ASTN2: variants seen among roughly 807,000 people sequenced by gnomAD.
The protein encoded by ASTN2 is astrotactin 2, also known as astrotactin-2.
In ASTN2, 54 loss-of-function variants were observed where a neutral mutation model predicts 139.8. The observed-to-expected ratio is 0.39, with a 90% CI of 0.31 to 0.48. The LOEUF (loss-of-function observed/expected upper bound fraction) is 0.48. Among genes scored for constraint, ASTN2 ranks in the 20% least tolerant of loss-of-function variants. The pLI, the probability that ASTN2 is intolerant of heterozygous loss-of-function variation, is 0.95. For synonymous variants in ASTN2, 756 were observed against 719.5 expected, an observed-to-expected ratio of 1.05 and a Z score of -0.81; for missense variants, 1,565 against 1,725.1, an observed-to-expected ratio of 0.91 and a Z score of 1.64.
At chr9:116,814,112 A>G (rs1037863260) in intron 12 of ASTN2, among the ~76,000 whole-genome samples, 3 of 152,048 alleles carry the variant, frequency 2.0e-5, no homozygotes, top group Non-Finnish European at 2.9e-5. Context: ...CACAACAGGT[A>G]GACTTGGACC....
intron 19 of ASTN2, among the ~76,000 whole-genome samples, chr9:116,617,326 C>T (rs1274956492): frequency 6.6e-6 from 1 of 152,094 alleles, no homozygotes. Context: ...AATAAAGGTC[C>T]TTTCATTCTT....
intron 14 of ASTN2, among the ~76,000 whole-genome samples, chr9:116,730,116 C>A (rs929917382): frequency 6.6e-6 from 1 of 152,166 alleles, no homozygotes. Flanking sequence ...AACAAAAATA[C>A]ATTAAAAAGA....
intron 10 of ASTN2, among the ~76,000 whole-genome samples, chr9:116,899,065 T>G (rs777085310): frequency 6.2e-4 from 94 of 152,250 alleles, no homozygotes; most frequent in Non-Finnish European, 1.2e-3. Context: ...TTAACAAGGT[T>G]TTGATGTTTT....
chr9:116,828,983 A>T (rs1831724851), intron 11 of ASTN2, among the ~76,000 whole-genome samples: 1 of 152,160 alleles, frequency 6.6e-6, no homozygotes. Context: ...AAAAATAATA[A>T]CAAAACACTG....
intron 10 of ASTN2, among the ~76,000 whole-genome samples, chr9:116,931,013 C>T (rs1439657335): frequency 1.3e-5 from 2 of 152,096 alleles, no homozygotes; most frequent in African/African-American, 4.8e-5. Flanking sequence ...CACCTCCCAC[C>T]CTCTGCCAAG....
At chr9:116,778,765 C>A (rs1430075449) in intron 13 of ASTN2, among the ~76,000 whole-genome samples, 3 of 152,148 alleles carry the variant, frequency 2.0e-5, no homozygotes, top group African/African-American at 7.2e-5. Context: ...ATAAAGTATA[C>A]CCCTCTGCAT....
In ASTN2 at chr9:116,698,498, A is replaced by T; in HGVS notation, c.2806+27273T>A. 3 of 1,613,850 alleles carry T rather than the reference A, an allele frequency of 1.9e-6. 1 individual carries two copies. The highest frequency in any genetic ancestry group is 2.7e-5 in the African/African-American group (2 of 75,016). On this transcript the variant is annotated intron_variant, in intron 16 of 22. Transcript: ENST00000313400. The surrounding 1 kb of genome is among the most constrained non-coding windows in gnomAD (Gnocchi z 4.4). ...CCAAGATCAAGCAGGCAGATGTAGC[A>T]CTACTGGAGGAGACAGCTGATGAGG... is the stretch of plus-strand genomic sequence containing the variant.
intron 19 of ASTN2, among the ~76,000 whole-genome samples, chr9:116,554,927 G>A (rs1180414552): frequency 6.6e-6 from 1 of 152,158 alleles, no homozygotes; most frequent in Non-Finnish European, 1.5e-5. Context: ...TGAGATGCAG[G>A]AGACACTGTG....
intron 19 of ASTN2, among the ~76,000 whole-genome samples, chr9:116,544,268 T>C (rs1044779373): frequency 1.3e-5 from 2 of 152,106 alleles, no homozygotes; most frequent in East Asian, 3.9e-4. Flanking sequence ...TGTCCCCAGA[T>C]ATTTGGGGGA....
At chr9:116,467,740 AGTT>A (rs1344828586) in intron 20 of ASTN2, among the ~76,000 whole-genome samples, 18 of 152,372 alleles carry the variant, frequency 1.2e-4, no homozygotes, top group African/African-American at 3.8e-4. Flanking sequence ...TCCTTTATAA[AGTT>A]GTTGTGATGA....
chr9:116,772,587 G>A (rs768473531), intron 13 of ASTN2, among the ~76,000 whole-genome samples: 1 of 152,222 alleles, frequency 6.6e-6, no homozygotes, highest in African/African-American at 2.4e-5. Flanking sequence ...CAACCATGTA[G>A]TTGAGTCAGT....
chr9:117,291,296 C>T lies in ASTN2; in HGVS notation c.630+30G>A, dbSNP rs369627602. On this transcript the variant is annotated intron_variant, in intron 2 of 22. Transcript: ENST00000313400. ...ACCCATTCCTCCCCCACGCAATCCC[C>T]GACCCCGGTCACATCCCCCCATCAC... 72 of 1,612,320 alleles carry T rather than the reference C, an allele frequency of 4.5e-5. 1 individual carries two copies. The African/African-American group carries it at 5.6e-4, about 13-fold the overall frequency.
At chr9:116,849,311 G>A (rs1311848907) in intron 11 of ASTN2, among the ~76,000 whole-genome samples, 1 of 152,092 alleles carries the variant, frequency 6.6e-6, no homozygotes, top group Non-Finnish European at 1.5e-5. Context: ...TCAGAGGTTG[G>A]GGGTGGGGCT....
chr9:116,996,307 A>ATG (rs1425819578), intron 7 of ASTN2, among the ~76,000 whole-genome samples: 3 of 152,036 alleles, frequency 2.0e-5, no homozygotes, highest in Admixed American at 1.3e-4. Flanking sequence ...CTATATACAT[A>ATG]TGTGTATGTG....
rs575056297 is a variant in ASTN2 at position 116,529,615 on chromosome 9, G to C, written c.3356-42115C>G. On this transcript the variant is annotated intron_variant, in intron 19 of 22. Coordinates refer to ENST00000313400, the MANE Select transcript of ASTN2 (RefSeq NM_001365068.1). ...AGGGGCAAAATGATATGGTTTTGCT[G>C]TATCCCCACTCAAATCTCATCTAGA... Among the ~76,000 whole-genome samples the C allele has an allele frequency of 5.9e-5, 9 of 152,210 alleles. No individual in the cohort carries two copies. The South Asian group carries it at 6.2e-4, about 11-fold the overall frequency.
chr9:116,710,007 C>T (rs1171067949), intron 16 of ASTN2, among the ~76,000 whole-genome samples: 1 of 152,180 alleles, frequency 6.6e-6, no homozygotes, highest in Non-Finnish European at 1.5e-5. Flanking sequence ...ATTTTTGGTA[C>T]TTGACTGCTA....
At chr9:117,117,872 T>A (rs4838218) in intron 4 of ASTN2, among the ~76,000 whole-genome samples, 2 of 152,146 alleles carry the variant, frequency 1.3e-5, no homozygotes, top group Admixed American at 6.5e-5. Flanking sequence ...ATTCCCAGGG[T>A]GAACTTCGCA....
At chr9:117,251,655 CT>C (rs1203212339) in intron 2 of ASTN2, among the ~76,000 whole-genome samples, 1 of 152,164 alleles carries the variant, frequency 6.6e-6, no homozygotes, top group Non-Finnish European at 1.5e-5. Flanking sequence ...AGTTTCTAAT[CT>C]TTTAGCTGCT....
rs114821919 is a variant in ASTN2 at position 117,272,465 on chromosome 9, G to T, written c.630+18861C>A. Reference sequence around the variant, plus strand: ...CTTGGGGATTAACACTAGGCTCTTTGCTACTTATGTGAATTTCTGCAGCCA... The same window carrying T: ...CTTGGGGATTAACACTAGGCTCTTTTCTACTTATGTGAATTTCTGCAGCCA... On this transcript the variant is annotated intron_variant, in intron 2 of 22. Coordinates refer to ENST00000313400, the MANE Select transcript of ASTN2 (RefSeq NM_001365068.1). Among the ~76,000 whole-genome samples the T allele has an allele frequency of 5.1e-3, 773 of 152,332 alleles. 8 individuals carry two copies. Among genetic ancestry groups the T allele is most frequent in the African/African-American group, 0.018 (749 of 41,574 alleles).
Sources: gnomAD v4.1 joint callset for allele counts (sites outside exome capture counted in the v4.1 genomes callset) on GRCh38, gnomAD v4.1.1 for gene constraint, Gnocchi (gnomAD v3.1) non-coding constraint, MANE v1.5 for transcripts, NCBI Gene and HGNC (gene_info 2026-07-23, HGNC 2026-07-21) for gene names.